Variants in ABCC4 observed in about 807,000 individuals in gnomAD.
ABCC4 encodes ATP binding cassette subfamily C member 4 (PEL blood group), also known as ATP-binding cassette sub-family C member 4.
A neutral mutation model predicts 168.5 loss-of-function variants in ABCC4; 102 were observed. That is an observed-to-expected ratio of 0.61 (90% CI 0.52 to 0.71). The LOEUF (loss-of-function observed/expected upper bound fraction) is 0.71, where lower values mean the gene tolerates loss of function less well. Ranked by LOEUF, ABCC4 falls within the 30% of genes least tolerant of loss-of-function variation. The probability of loss-of-function intolerance (pLI) is 0.00; values close to 1 mark genes in which losing one functional copy is unlikely to be tolerated. For synonymous variants in ABCC4, 617 were observed against 590.7 expected (o/e 1.04, Z -0.65); for missense variants, 1,402 against 1,605.8 (o/e 0.87, Z 2.17).
At chr13:95,168,582 C>T (rs1012083630) in intron 14 of ABCC4, among the ~76,000 whole-genome samples, 6 of 152,194 alleles carry the variant, frequency 3.9e-5, no homozygotes, top group Non-Finnish European at 5.9e-5. Flanking sequence ...AATTAACACT[C>T]GTTTTTGTTA....
At chr13:95,106,426 C>T (rs916031315) in intron 20 of ABCC4, among the ~76,000 whole-genome samples, 13 of 151,164 alleles carry the variant, frequency 8.6e-5, no homozygotes, top group African/African-American at 1.9e-4. Flanking sequence ...AGGTCTCAAT[C>T]GATTAGAGGT....
chr13:95,165,808 C>T (rs1332615982), intron 15 of ABCC4, among the ~76,000 whole-genome samples: 1 of 152,146 alleles, frequency 6.6e-6, no homozygotes, highest in Non-Finnish European at 1.5e-5. Context: ...CAAATTATGC[C>T]TCCAGATGCA....
chr13:95,140,477 T>C (rs767310929), intron 19 of ABCC4, among the ~76,000 whole-genome samples: 3 of 152,228 alleles, frequency 2.0e-5, no homozygotes, highest in Non-Finnish European at 2.9e-5. Flanking sequence ...TCTTTACAGA[T>C]AGTTAAAAAG....
At chr13:95,189,283 G>A (rs1209192341) in intron 9 of ABCC4, among the ~76,000 whole-genome samples, 1 of 151,078 alleles carries the variant, frequency 6.6e-6, no homozygotes. Context: ...ACAGGCGCCT[G>A]CCACTGCGCC....
intron 20 of ABCC4, among the ~76,000 whole-genome samples, chr13:95,113,407 T>C (rs941079922): frequency 1.3e-5 from 2 of 152,158 alleles, no homozygotes; most frequent in Admixed American, 1.3e-4. Flanking sequence ...ATTTGGTTGA[T>C]TGGGGAAAAT....
chr13:95,207,933 G>T lies in ABCC4; in HGVS notation c.786-8C>A, dbSNP rs2139677422. ...AAAGTTGCAGTTTTACTCCTAAGGG[G>T]AACCAGACACGGGAGATGAGCCTGA... is the stretch of plus-strand genomic sequence containing the variant. On this transcript the variant is annotated splice_region_variant and splice_polypyrimidine_tract_variant and intron_variant, in intron 6 of 30. Transcript: ENST00000645237. 3 of 1,612,268 alleles carry T rather than the reference G, an allele frequency of 1.9e-6. No individual in the cohort carries two copies. Among genetic ancestry groups the T allele is most frequent in the Non-Finnish European group, 2.5e-6 (3 of 1,179,572 alleles).
At position 95,219,007 on chromosome 13, in the gene ABCC4, GAGAA is replaced by G. The variant is rs1258384076; in HGVS notation, c.532-8230_532-8227del. Among the ~76,000 whole-genome samples the G allele has an allele frequency of 6.1e-5, 9 of 148,174 alleles. 1 individual carries two copies. Among genetic ancestry groups the G allele is most frequent in the Non-Finnish European group, 9.0e-5 (6 of 66,728 alleles). ...AAAGAGTGAGAAAGAAAGAAAGAGT[GAGAA>G]AGAAAGGAAGGAAGGAAAAGAAAAG... On this transcript the variant is annotated intron_variant, in intron 4 of 30. Coordinates refer to ENST00000645237, the MANE Select transcript of ABCC4 (RefSeq NM_005845.5).
At chr13:95,235,813 A>ACTGC (rs375316619) in intron 3 of ABCC4, among the ~76,000 whole-genome samples, 1 of 152,218 alleles carries the variant, frequency 6.6e-6, no homozygotes, top group Admixed American at 6.5e-5. Context: ...GCCCAGAAGA[A>ACTGC]CTGCCACTTT....
chr13:95,277,546 A>G (rs2041002617), intron 1 of ABCC4, among the ~76,000 whole-genome samples: 1 of 149,994 alleles, frequency 6.7e-6, no homozygotes, highest in Non-Finnish European at 1.5e-5. Context: ...ATGCCATTGC[A>G]CTCCAGCCTA....
intron 1 of ABCC4, among the ~76,000 whole-genome samples, chr13:95,252,588 T>C (rs1020961529): frequency 6.6e-6 from 1 of 152,136 alleles, no homozygotes; most frequent in Non-Finnish European, 1.5e-5. Flanking sequence ...GGCAGGAGAA[T>C]TGCTTGAAAC....
intron 11 of ABCC4, among the ~76,000 whole-genome samples, chr13:95,181,104 A>C (rs2037874535): frequency 6.6e-6 from 1 of 152,246 alleles, no homozygotes; most frequent in African/African-American, 2.4e-5. Flanking sequence ...GGTACCACTC[A>C]GTAAAATTAA....
Position 95,207,912 on chromosome 13 carries a change from T to C in ABCC4, c.799A>G (p.Thr267Ala). The change falls in exon 7 of 31, where the codon ACT becomes GCT. Residue 267 changes from threonine (T) to alanine (A), a missense_variant. Transcript: ENST00000645237. Reference sequence around the variant, plus strand: ...GTCCTGATCCTGGCATCCGTGAAAGTTGCAGTTTTACTCCTAAGGGGAACC... The same window carrying C: ...GTCCTGATCCTGGCATCCGTGAAAGCTGCAGTTTTACTCCTAAGGGGAACC... ...LFSSLRSKTA[T>A]FTDARIRTMN... 1 of 1,613,892 alleles carries C rather than the reference T, an allele frequency of 6.2e-7. No individual in the cohort carries two copies. The highest frequency in any genetic ancestry group is 1.1e-5 in the South Asian group (1 of 91,018).
intron 8 of ABCC4, 82 bp from the exon 9 acceptor site, chr13:95,195,019 G>A: frequency 8.3e-7 from 1 of 1,205,958 alleles, no homozygotes; most frequent in Non-Finnish European, 1.2e-6. Context: ...CATGGAATTT[G>A]TAACATAAAA....
intron 19 of ABCC4, among the ~76,000 whole-genome samples, chr13:95,124,555 CCT>C (rs1158669020): frequency 3.5e-5 from 3 of 85,348 alleles, no homozygotes; most frequent in African/African-American, 9.0e-5. Context: ...AGAAATGCCC[CCT>C]TTCTTAAAAA....
chr13:95,166,114 CAG>C, intron 15 of ABCC4, 42 bp downstream of exon 15: 1 of 1,519,222 alleles, frequency 6.6e-7, no homozygotes, highest in African/African-American at 1.4e-5. Context: ...AGGCCATTAA[CAG>C]TGAACAAAAC....
At chr13:95,237,202 C>T (rs1260844541) in intron 3 of ABCC4, among the ~76,000 whole-genome samples, 1 of 152,194 alleles carries the variant, frequency 6.6e-6, no homozygotes. Flanking sequence ...GTCCAGATTT[C>T]CCTGCCGAGA....
intron 20 of ABCC4, among the ~76,000 whole-genome samples, chr13:95,112,529 T>C (rs1303714513): frequency 6.6e-6 from 1 of 152,198 alleles, no homozygotes; most frequent in Non-Finnish European, 1.5e-5. Flanking sequence ...TTTCTGTGGA[T>C]TTTAATCTTC....
At chr13:95,148,917 C>T (rs939548082) in intron 19 of ABCC4, 1 of 152,132 alleles carries the variant, frequency 6.6e-6, no homozygotes, top group African/African-American at 2.4e-5. Flanking sequence ...GTCAATTGAG[C>T]TTTAAACTCC....
chr13:95,243,947 G>C (rs1157120235), intron 3 of ABCC4, among the ~76,000 whole-genome samples: 3 of 150,852 alleles, frequency 2.0e-5, no homozygotes, highest in Non-Finnish European at 4.4e-5. Flanking sequence ...TTGGTGCTCT[G>C]ACCTGCCCAG....
Sources: gnomAD v4.1 joint callset for allele counts (sites outside exome capture counted in the v4.1 genomes callset) on GRCh38, gnomAD v4.1.1 for gene constraint, MANE v1.5 for transcripts, NCBI Gene and HGNC (gene_info 2026-07-23, HGNC 2026-07-21) for gene names.